The following TPX2 variants were observed in gnomAD, a reference collection of about 807,000 sequenced individuals.
TPX2 encodes the protein targeting protein for Xklp2.
In TPX2, 21 loss-of-function variants were observed where a neutral mutation model predicts 93.6. The observed-to-expected ratio is 0.22, with a 90% CI of 0.16 to 0.32. TPX2 has a LOEUF of 0.32. Ranked by LOEUF, TPX2 falls within the 10% of genes least tolerant of loss-of-function variation. The pLI is 1.00. For synonymous variants in TPX2, 281 were observed against 298.3 expected, an observed-to-expected ratio of 0.94 and a Z score of 0.60; for missense variants, 776 against 871.1, an observed-to-expected ratio of 0.89 and a Z score of 1.37.
At chr20:31,741,927 C>A (rs2061755679) in intron 1 of TPX2, among the ~76,000 whole-genome samples, 1 of 151,836 alleles carries the variant, frequency 6.6e-6, no homozygotes, top group African/African-American at 2.4e-5. Context: ...AGAGAGATTT[C>A]ATAACCCAAG....
intron 10 of TPX2, chr20:31,781,003 T>TC (rs780656959): frequency 2.6e-6 from 1 of 378,138 alleles, no homozygotes; most frequent in Non-Finnish European, 5.1e-6. Flanking sequence ...CACTTCAGTG[T>TC]CCAACTCCTG....
At position 31,783,739 on chromosome 20, in the gene TPX2, A is replaced by C. The variant is rs555677641; in HGVS notation, c.1231A>C (p.Ile411Leu). Reference protein sequence around the residue: ...KFKARELDPRILEGGPILPKK... With the variant: ...KFKARELDPRLLEGGPILPKK... Reference sequence around the variant, plus strand: ...CAAAGCACGTGAACTTGATCCCAGAATACTTGAAGGTGGGCCCATCTTGCC... The same window carrying C: ...CAAAGCACGTGAACTTGATCCCAGACTACTTGAAGGTGGGCCCATCTTGCC... Residue 411 changes from isoleucine (I) to leucine (L), a missense_variant, in exon 12 of 18, where the codon ATA becomes CTA. Transcript: ENST00000300403. The C allele has an allele frequency of 3.1e-6, 5 of 1,611,596 alleles. No homozygotes were observed. The highest frequency in any genetic ancestry group is 1.7e-4 in the Middle Eastern group (1 of 6,054).
chr20:31,770,261 C>T (rs1045081812), intron 5 of TPX2, 82 bp from the exon 6 acceptor site: 2 of 1,005,422 alleles, frequency 2.0e-6, no homozygotes, highest in Non-Finnish European at 2.6e-6. Context: ...TGTAGTTTGA[C>T]ATCCTTTCAC....
At chr20:31,784,187 T>A (rs1037723082) in intron 12 of TPX2, among the ~76,000 whole-genome samples, 2 of 152,220 alleles carry the variant, frequency 1.3e-5, no homozygotes, top group African/African-American at 4.8e-5. Flanking sequence ...AGAAAATGGT[T>A]TCTTCCAGAT....
At chr20:31,797,375 G>T (rs1389880539) in intron 15 of TPX2, 29 bp from the exon 16 acceptor site, 1 of 1,602,248 alleles carries the variant, frequency 6.2e-7, no homozygotes, top group African/African-American at 1.3e-5. Flanking sequence ...GTGAGACATT[G>T]CTCATCTGAC....
rs564831775 is a variant in TPX2, at chr20:31,794,588, G to T, written c.1833+40G>T. The T allele has an allele frequency of 5.0e-6, 8 of 1,606,014 alleles. No homozygotes were observed. The East Asian group carries it at 1.6e-4, about 31-fold the overall frequency. The stretch of plus-strand genomic sequence containing the variant: ...GAGCAGCCAAAATGTTAATTGCTTG[G>T]TTGGTTGATTGTACAGGCAGACCCA... On this transcript the variant is annotated intron_variant, in intron 15 of 17. Coordinates refer to ENST00000300403, the MANE Select transcript of TPX2 (RefSeq NM_012112.5).
chr20:31,789,226 C>G (rs1691272116), intron 12 of TPX2, among the ~76,000 whole-genome samples: 1 of 152,172 alleles, frequency 6.6e-6, no homozygotes, highest in Non-Finnish European at 1.5e-5. Flanking sequence ...TCTCTTTCCT[C>G]CATTAGAATG....
intron 4 of TPX2, among the ~76,000 whole-genome samples, chr20:31,763,890 G>A (rs149889442): frequency 0.014 from 2,095 of 151,176 alleles, 53 homozygotes; most frequent in African/African-American, 0.047. Context: ...GTGGTGGTGC[G>A]CACCTGTAGT....
intron 17 of TPX2, among the ~76,000 whole-genome samples, chr20:31,800,181 A>G (rs1229608232): frequency 6.6e-6 from 1 of 152,202 alleles, no homozygotes; most frequent in Non-Finnish European, 1.5e-5. Context: ...CCACGGACAC[A>G]CTATTTAGGA....
At chr20:31,747,434 A>G (rs1568919699) in intron 2 of TPX2, among the ~76,000 whole-genome samples, 1 of 151,472 alleles carries the variant, frequency 6.6e-6, no homozygotes, top group African/African-American at 2.4e-5. Context: ...TTATATCTCT[A>G]TCTCTGTCTG....
At chr20:31,788,404 C>G (rs935821284) in intron 12 of TPX2, among the ~76,000 whole-genome samples, 2 of 128,492 alleles carry the variant, frequency 1.6e-5, no homozygotes, top group African/African-American at 6.5e-5. Context: ...GGCAACAGAG[C>G]GAGACTCTGT....
At chr20:31,768,116 T>C (rs956640567) in intron 5 of TPX2, among the ~76,000 whole-genome samples, 6 of 151,992 alleles carry the variant, frequency 3.9e-5, no homozygotes, top group Admixed American at 2.6e-4. Context: ...GTATTTTTTG[T>C]AGAGATAGTG....
In TPX2 at chr20:31,771,634, C is replaced by T. The variant is rs773102010; in HGVS notation, c.560C>T (p.Pro187Leu). 4 of 1,613,866 alleles carry T rather than the reference C, an allele frequency of 2.5e-6. No homozygotes were observed. The highest frequency in any genetic ancestry group is 3.4e-6 in the Non-Finnish European group (4 of 1,179,922). The change falls in exon 7 of 18, where the codon CCA (proline) becomes CTA (leucine). Residue 187 changes from proline to leucine, a missense_variant. Coordinates refer to ENST00000300403, the MANE Select transcript of TPX2 (RefSeq NM_012112.5). ...QDTAEKNASSPEKAKGRHTVP... is the reference protein window; with the variant it reads ...QDTAEKNASSLEKAKGRHTVP... ...ACTGCTGAAAAGAATGCATCTTCCCCAGAGAAAGCCAAGGGTAGACATACT... is the reference window on the plus strand; with the variant it reads ...ACTGCTGAAAAGAATGCATCTTCCCTAGAGAAAGCCAAGGGTAGACATACT...
At chr20:31,763,313 G>A (rs2061902119) in intron 4 of TPX2, among the ~76,000 whole-genome samples, 1 of 152,022 alleles carries the variant, frequency 6.6e-6, no homozygotes, top group Non-Finnish European at 1.5e-5. Context: ...TGGAGTAGCT[G>A]GGATTACAGG....
chr20:31,761,271 G>T (rs991944105), intron 4 of TPX2, among the ~76,000 whole-genome samples: 1 of 146,166 alleles, frequency 6.8e-6, no homozygotes, highest in African/African-American at 2.5e-5. Flanking sequence ...GTATAGTCTC[G>T]GCTCACTGTA....
intron 12 of TPX2, 68 bp downstream of exon 12, chr20:31,783,989 A>G: frequency 1.3e-6 from 2 of 1,540,574 alleles, no homozygotes; most frequent in Non-Finnish European, 1.8e-6. Flanking sequence ...CCATTCACAC[A>G]AAAGTTTGGG....
intron 3 of TPX2, among the ~76,000 whole-genome samples, chr20:31,759,060 GTTTTAATATATTAC>G (rs1215594905): frequency 3.3e-5 from 5 of 151,828 alleles, no homozygotes; most frequent in African/African-American, 1.2e-4. Flanking sequence ...AACTACCTCA[GTTTTAATATATTAC>G]TTTCCAATTT....
Position 31,766,696 on chromosome 20 carries a change from A to G in TPX2, c.356+14A>G, listed in dbSNP as rs759691751. The G allele has an allele frequency of 6.2e-7, 1 of 1,608,688 alleles. No homozygotes were observed. The highest frequency in any genetic ancestry group is 8.5e-7 in the Non-Finnish European group (1 of 1,177,922). ...CCAGCCTCAGAGGTAAGACTTTGGAATCTCAAAGTGGTGGTTATGATAATA... is the reference window on the plus strand; with the variant it reads ...CCAGCCTCAGAGGTAAGACTTTGGAGTCTCAAAGTGGTGGTTATGATAATA... On this transcript the variant is annotated intron_variant, in intron 5 of 17. Coordinates refer to ENST00000300403, the MANE Select transcript of TPX2 (RefSeq NM_012112.5).
intron 12 of TPX2, among the ~76,000 whole-genome samples, chr20:31,785,150 C>G (rs867240642): frequency 1.8e-4 from 28 of 152,202 alleles, no homozygotes; most frequent in African/African-American, 6.5e-4. Context: ...CTGATACCTA[C>G]TTTTGATTGA....
Sources: gnomAD v4.1 joint callset for allele counts (sites outside exome capture counted in the v4.1 genomes callset) on GRCh38, gnomAD v4.1.1 for gene constraint, MANE v1.5 for transcripts, NCBI Gene and HGNC (gene_info 2026-07-23, HGNC 2026-07-21) for gene names.